Variants in ANKRD30BL observed in about 807,000 individuals in gnomAD.
ANKRD30BL encodes the protein putative ankyrin repeat domain-containing protein 30B-like.
A neutral mutation model predicts 18.4 loss-of-function variants in ANKRD30BL; 20 were observed. The observed-to-expected ratio is 1.09, with a 90% confidence interval of 0.77 to 1.58. ANKRD30BL has a LOEUF of 1.58. Among genes scored for constraint, ANKRD30BL ranks in the 40% most tolerant of loss-of-function variants. The probability of loss-of-function intolerance (pLI) is 0.00; values close to 1 mark genes in which losing one functional copy is unlikely to be tolerated. For missense variants in ANKRD30BL, 224 were observed against 268.6 expected, an observed-to-expected ratio of 0.83 and a Z score of 1.16; for synonymous variants, 72 against 100.9, an observed-to-expected ratio of 0.71 and a Z score of 1.72.
chr2:132,215,058 G>A (rs932362605), intron 1 of ANKRD30BL, among the ~76,000 whole-genome samples: 21 of 152,026 alleles, frequency 1.4e-4, no homozygotes, highest in African/African-American at 4.8e-4. Context: ...TCTTTGTGAT[G>A]TATGTATTCA....
rs368625897 is a variant in ANKRD30BL, at chr2:132,205,359, C to G, written n.442-48213G>C. Among the ~76,000 whole-genome samples, 3 of 148,988 alleles carry G rather than the reference C, an allele frequency of 2.0e-5. No homozygotes were observed. In the East Asian group the frequency reaches 5.8e-4, roughly 29 times the overall value. ...GGCATTGTGGCTCATGCCTATAATC[C>G]CAGCACTTTGGGAGGCCGAGGCGGG... is the stretch of plus-strand genomic sequence containing the variant. On this transcript the variant is annotated intron_variant and non_coding_transcript_variant, in intron 1 of 4. Transcript: ENST00000470729.
At chr2:132,173,330 C>T (rs1224373337) in intron 1 of ANKRD30BL, among the ~76,000 whole-genome samples, 6 of 119,676 alleles carry the variant, frequency 5.0e-5, no homozygotes, top group Admixed American at 3.0e-4. Context: ...GATGGAGTTT[C>T]ACTCTGTCAC....
At chr2:132,161,285 C>T (rs1688049366) in intron 1 of ANKRD30BL, among the ~76,000 whole-genome samples, 2 of 152,286 alleles carry the variant, frequency 1.3e-5, no homozygotes, top group East Asian at 3.9e-4. Flanking sequence ...GCCCTCCGCC[C>T]TGCAGGGCGC....
intron 1 of ANKRD30BL, among the ~76,000 whole-genome samples, chr2:132,213,514 C>T (rs1170001190): frequency 6.6e-6 from 1 of 152,350 alleles, no homozygotes; most frequent in South Asian, 2.1e-4. Context: ...TGAGAAACTT[C>T]TTTGTGTTGT....
intron 1 of ANKRD30BL, among the ~76,000 whole-genome samples, chr2:132,247,055 C>G (rs372282746): frequency 1.3e-5 from 2 of 150,198 alleles, no homozygotes; most frequent in Admixed American, 1.3e-4. Flanking sequence ...GTTGAACATT[C>G]CCTTTCATGG....
At chr2:132,179,463 A>G (rs1007775666) in intron 1 of ANKRD30BL, among the ~76,000 whole-genome samples, 4 of 151,668 alleles carry the variant, frequency 2.6e-5, no homozygotes, top group African/African-American at 9.7e-5. Context: ...TAATTTTTGT[A>G]TTTTTAGTAG....
At chr2:132,199,515 T>A (rs1009432024) in intron 1 of ANKRD30BL, among the ~76,000 whole-genome samples, 3 of 151,976 alleles carry the variant, frequency 2.0e-5, no homozygotes, top group African/African-American at 7.3e-5. Context: ...CTTTTTTTTT[T>A]ATTTTTTGTT....
At chr2:132,182,417 G>A (rs1020280878) in intron 1 of ANKRD30BL, among the ~76,000 whole-genome samples, 2 of 151,642 alleles carry the variant, frequency 1.3e-5, no homozygotes, top group African/African-American at 4.8e-5. Context: ...TGGAGACAGA[G>A]CTTGCAGTGA....
intron 1 of ANKRD30BL, among the ~76,000 whole-genome samples, chr2:132,212,152 CATT>C (rs2104759074): frequency 6.7e-6 from 1 of 149,130 alleles, no homozygotes; most frequent in African/African-American, 2.6e-5. Flanking sequence ...CAGTGTTGAA[CATT>C]TTTTTTTTAT....
intron 1 of ANKRD30BL, among the ~76,000 whole-genome samples, chr2:132,221,672 G>A (rs1462699003): frequency 3.4e-5 from 4 of 119,394 alleles, no homozygotes; most frequent in South Asian, 2.6e-4. Flanking sequence ...CCGGCCAGCC[G>A]CCCCGTCCGG....
intron 1 of ANKRD30BL, among the ~76,000 whole-genome samples, chr2:132,182,660 C>G (rs1688490467): frequency 6.6e-6 from 1 of 152,078 alleles, no homozygotes; most frequent in Non-Finnish European, 1.5e-5. Context: ...AACTTCTTAT[C>G]TTGATCTATA....
chr2:132,215,376 G>A (rs1422881742), intron 1 of ANKRD30BL, among the ~76,000 whole-genome samples: 1 of 152,164 alleles, frequency 6.6e-6, no homozygotes, highest in Non-Finnish European at 1.5e-5. Context: ...CTAGGTAGAA[G>A]CATTCTGACA....
intron 1 of ANKRD30BL, among the ~76,000 whole-genome samples, chr2:132,215,226 G>T (rs1316232505): frequency 1.8e-3 from 267 of 150,336 alleles, no homozygotes; most frequent in African/African-American, 5.8e-3. Context: ...ACATCTTTGT[G>T]ATGTGTGCAT....
chr2:132,168,454 G>A (rs1688224051), intron 1 of ANKRD30BL, among the ~76,000 whole-genome samples: 1 of 152,146 alleles, frequency 6.6e-6, no homozygotes, highest in Admixed American at 6.5e-5. Context: ...ATTTGTGATA[G>A]CATTGATGGA....
At chr2:132,238,137 T>C (rs1680212138) in intron 1 of ANKRD30BL, among the ~76,000 whole-genome samples, 1 of 152,014 alleles carries the variant, frequency 6.6e-6, no homozygotes, top group South Asian at 2.1e-4. Flanking sequence ...TATCTTCACA[T>C]AAAAAGAAGA....
intron 1 of ANKRD30BL, among the ~76,000 whole-genome samples, chr2:132,184,669 T>C (rs1688532771): frequency 6.6e-6 from 1 of 152,196 alleles, no homozygotes; most frequent in Non-Finnish European, 1.5e-5. Context: ...TGCATATTCA[T>C]ATGAAGAATG....
At chr2:132,164,285 T>C (rs1334832633), upstream of ANKRD30BL, among the ~76,000 whole-genome samples, 6 of 147,670 alleles carry the variant, frequency 4.1e-5, no homozygotes, top group Non-Finnish European at 7.5e-5. Flanking sequence ...TTTTTTTTTT[T>C]TTTTTTTTAA....
chr2:132,169,392 T>C (rs1688238301), intron 1 of ANKRD30BL, among the ~76,000 whole-genome samples: 1 of 152,128 alleles, frequency 6.6e-6, no homozygotes, highest in Non-Finnish European at 1.5e-5. Context: ...CCCACGCCTG[T>C]AATCCCAGCA....
chr2:132,167,255 A>T (rs767720422), intron 1 of ANKRD30BL, among the ~76,000 whole-genome samples: 2 of 148,706 alleles, frequency 1.3e-5, no homozygotes, highest in Non-Finnish European at 3.0e-5. Context: ...TAGAATATAA[A>T]CATTAATTAC....
Sources: gnomAD v4.1 joint callset for allele counts (sites outside exome capture counted in the v4.1 genomes callset) on GRCh38, gnomAD v4.1.1 for gene constraint, MANE v1.5 for transcripts, NCBI Gene and HGNC (gene_info 2026-07-23, HGNC 2026-07-21) for gene names.